Variants in UBR1 observed in about 807,000 individuals in gnomAD.
UBR1 encodes E3 ubiquitin-protein ligase UBR1.
In UBR1, 102 loss-of-function variants were observed where a neutral mutation model predicts 242.1. The observed-to-expected ratio is 0.42, with a 90% CI of 0.36 to 0.50. The LOEUF (loss-of-function observed/expected upper bound fraction) is 0.50, where lower values mean the gene tolerates loss of function less well. Ranked by LOEUF, UBR1 falls within the 20% of genes least tolerant of loss-of-function variation. The probability of loss-of-function intolerance (pLI) is 0.01; values close to 1 mark genes in which losing one functional copy is unlikely to be tolerated. For synonymous variants in UBR1, 675 were observed against 684.8 expected (o/e 0.99, Z 0.22); for missense variants, 1,772 against 2,101.8 (o/e 0.84, Z 3.07).
At chr15:43,089,226 CT>C (rs1452784814) in intron 1 of UBR1, among the ~76,000 whole-genome samples, 1 of 151,026 alleles carries the variant, frequency 6.6e-6, no homozygotes. Context: ...GGTGAGGTGG[CT>C]TATGCCTGTA....
chr15:42,977,334 C>T (rs1206600734), intron 38 of UBR1, among the ~76,000 whole-genome samples: 2 of 152,104 alleles, frequency 1.3e-5, no homozygotes, highest in Non-Finnish European at 2.9e-5. Context: ...TGTTGGCTAC[C>T]CCTGCATCCA....
Position 43,029,981 on chromosome 15 carries a change from A to G in UBR1, c.2342T>C (p.Met781Thr). 1 of 1,614,148 alleles carries G rather than the reference A, an allele frequency of 6.2e-7. No homozygotes were observed. The change falls in exon 21 of 47, where the codon ATG becomes ACG. Residue 781 changes from methionine to threonine, a missense_variant. Around this residue, in one of 3 missense-constraint regions of UBR1, gnomAD observed 73 missense variants for 128.9 expected, o/e 0.57. Transcript: ENST00000290650. ...ATTTTTGGCAATGGCACTGTGTGGC[A>G]TGGGTTCAATGCAAAGCAAGTGAAT... The part of the protein sequence containing the change: ...EIIHLLCIEP[M>T]PHSAIAKNLP...
At chr15:43,032,705 G>T in intron 19 of UBR1, 74 bp from the exon 20 acceptor site, 1 of 892,330 alleles carries the variant, frequency 1.1e-6, no homozygotes. Flanking sequence ...TTCTGGACGA[G>T]ACTCATGGTC....
intron 1 of UBR1, among the ~76,000 whole-genome samples, chr15:43,089,182 A>C (rs570648438): frequency 6.8e-6 from 1 of 147,244 alleles, no homozygotes; most frequent in African/African-American, 2.5e-5. Context: ...AAACTACATG[A>C]GATAATACGC....
chr15:43,074,169 G>C (rs2141349356), intron 4 of UBR1, among the ~76,000 whole-genome samples: 1 of 152,242 alleles, frequency 6.6e-6, no homozygotes, highest in East Asian at 1.9e-4. Context: ...ATCATTAAAA[G>C]AGTATTTTAT....
Position 43,021,311 on chromosome 15 carries a change from T to C in UBR1, c.2904A>G (p.Leu968=), listed in dbSNP as rs746665251. Residue 968 remains leucine, a synonymous_variant, in exon 27 of 47, where the codon TTA becomes TTG. Transcript: ENST00000290650. The part of the protein sequence containing the change: ...LLEKLKGIPQ[L]EGQKDMITWI... Reference sequence around the variant, plus strand: ...ACGTTATCATGTCCTTCTGGCCTTCTAACTGGGGAATTCCTTTGAGTTTTT... The same window carrying C: ...ACGTTATCATGTCCTTCTGGCCTTCCAACTGGGGAATTCCTTTGAGTTTTT... 1 of 1,613,864 alleles carries C rather than the reference T, an allele frequency of 6.2e-7. No individual in the cohort carries two copies. The highest frequency in any genetic ancestry group is 2.2e-5 in the East Asian group (1 of 44,782).
Position 43,058,468 on chromosome 15 carries a change from A to C in UBR1, c.1094-39T>G, listed in dbSNP as rs1249628178. ...TGGGGAGGGTGGGGGAATGAGGAGAATCACCAAGGCAAAAACCAAAAACAT... is the reference window on the plus strand; with the variant it reads ...TGGGGAGGGTGGGGGAATGAGGAGACTCACCAAGGCAAAAACCAAAAACAT... On this transcript the variant is annotated intron_variant, in intron 9 of 46. Coordinates refer to ENST00000290650, the MANE Select transcript of UBR1 (RefSeq NM_174916.3). The C allele has an allele frequency of 4.0e-6, 6 of 1,512,510 alleles. No individual in the cohort carries two copies. In the Admixed American group the frequency reaches 8.7e-5, roughly 22 times the overall value. 93.7% of individuals were successfully genotyped at this position (1,512,510 alleles called of 1,614,324 possible). A position where few individuals can be genotyped will look rare whatever the true frequency, so the allele number is the denominator to read the frequency against.
chr15:43,044,012 T>A (rs1367705098), intron 14 of UBR1, among the ~76,000 whole-genome samples: 1 of 152,074 alleles, frequency 6.6e-6, no homozygotes, highest in Admixed American at 6.6e-5. Context: ...ATATGCATAA[T>A]TTAAGTATGG....
intron 39 of UBR1, among the ~76,000 whole-genome samples, chr15:42,973,124 T>C (rs1010899715): frequency 2.0e-5 from 3 of 152,334 alleles, no homozygotes; most frequent in South Asian, 4.1e-4. Flanking sequence ...TCACTTACCA[T>C]CTGTATATCT....
In UBR1 at chr15:43,021,341, A is replaced by G; in HGVS notation, c.2874T>C (p.Leu958=). The change falls in exon 27 of 47, where the codon CTT becomes CTC. Residue 958 remains leucine, a synonymous_variant. Coordinates refer to ENST00000290650, the MANE Select transcript of UBR1 (RefSeq NM_174916.3). ...LGSSAMNIQM[L]LEKLKGIPQL... Reference sequence around the variant, plus strand: ...GGGGAATTCCTTTGAGTTTTTCCAAAAGCATTTGTATATTCATGGCTGAAC... The same window carrying G: ...GGGGAATTCCTTTGAGTTTTTCCAAGAGCATTTGTATATTCATGGCTGAAC... 1.2e-6 allele frequency: 2 copies of G among 1,613,782 alleles called. No homozygotes were observed. Among genetic ancestry groups the G allele is most frequent in the Middle Eastern group, 1.7e-4 (1 of 6,058 alleles).
chr15:43,074,839 G>C (rs2033867761), intron 4 of UBR1, 140 bp downstream of exon 4: 1 of 689,592 alleles, frequency 1.5e-6, no homozygotes, highest in South Asian at 1.7e-5. Flanking sequence ...TTTGGAGCTA[G>C]AAAAAAAGCC....
intron 4 of UBR1, among the ~76,000 whole-genome samples, chr15:43,072,822 G>C (rs1396187479): frequency 6.6e-6 from 1 of 152,064 alleles, no homozygotes; most frequent in Non-Finnish European, 1.5e-5. Context: ...ACATTGATTG[G>C]TTTTCAAATG....
At chr15:42,952,968 G>A in intron 44 of UBR1, among the ~76,000 whole-genome samples, 1 of 151,816 alleles carries the variant, frequency 6.6e-6, no homozygotes, top group African/African-American at 2.4e-5. Flanking sequence ...CTGTCACCCA[G>A]GCTGGAGTGC....
At chr15:43,050,429 G>T (rs182616927) in intron 12 of UBR1, among the ~76,000 whole-genome samples, 1 of 152,144 alleles carries the variant, frequency 6.6e-6, no homozygotes, top group Non-Finnish European at 1.5e-5. Context: ...AATAAGTGAG[G>T]CCGGGTGCAG....
At chr15:43,095,073 G>A (rs1383740054) in intron 1 of UBR1, among the ~76,000 whole-genome samples, 1 of 152,038 alleles carries the variant, frequency 6.6e-6, no homozygotes, top group Non-Finnish European at 1.5e-5. Context: ...TAAACTCTGA[G>A]GTATCTATTT....
chr15:43,095,585 T>C (rs1360048426), intron 1 of UBR1, among the ~76,000 whole-genome samples: 1 of 146,914 alleles, frequency 6.8e-6, no homozygotes, highest in Non-Finnish European at 1.5e-5. Context: ...TTAAAAAAAC[T>C]AAGCTCATCA....
At chr15:43,058,675 C>G (rs188849521) in intron 9 of UBR1, among the ~76,000 whole-genome samples, 1 of 152,198 alleles carries the variant, frequency 6.6e-6, no homozygotes, top group Non-Finnish European at 1.5e-5. Flanking sequence ...TCTCTCCCAA[C>G]CTTTTCATTC....
chr15:42,967,590 A>T (rs539492585), intron 40 of UBR1, among the ~76,000 whole-genome samples: 2 of 152,170 alleles, frequency 1.3e-5, no homozygotes, highest in South Asian at 4.1e-4. Flanking sequence ...GATACTGTAA[A>T]GCGAATCTTA....
intron 33 of UBR1, among the ~76,000 whole-genome samples, chr15:42,990,854 T>C (rs573622024): frequency 6.6e-6 from 1 of 152,218 alleles, no homozygotes; most frequent in African/African-American, 2.4e-5. Flanking sequence ...TACTGCAACC[T>C]TGTGTGAAAG....
Sources: gnomAD v4.1 joint callset for allele counts (sites outside exome capture counted in the v4.1 genomes callset) on GRCh38, gnomAD v4.1.1 for gene constraint, gnomAD v4.1.1 regional missense constraint, MANE v1.5 for transcripts, NCBI Gene and HGNC (gene_info 2026-07-23, HGNC 2026-07-21) for gene names.